ZNF329: variants seen among roughly 807,000 people sequenced by gnomAD.
The protein encoded by ZNF329 is zinc finger protein 329.
A neutral mutation model predicts 26.6 loss-of-function variants in ZNF329; 15 were observed. That is an observed-to-expected ratio of 0.56 (90% CI 0.38 to 0.87). The LOEUF (loss-of-function observed/expected upper bound fraction) is 0.87. ZNF329 is among the 40% of genes least tolerant of loss of function. The pLI is 0.00. For synonymous variants in ZNF329, 239 were observed against 233.5 expected, an observed-to-expected ratio of 1.02 and a Z score of -0.21; for missense variants, 651 against 651.9, an observed-to-expected ratio of 1.00 and a Z score of 0.02.
chr19:58,128,556 T>C lies in ZNF329; in HGVS notation c.948A>G (p.Arg316=). The C allele has an allele frequency of 6.2e-7, 1 of 1,614,082 alleles. No homozygotes were observed. ...TGAAGGGTTTCCCACATTCGTTACATCTATATGGTTTTTCCCCTGTATGAG... is the reference window on the plus strand; with the variant it reads ...TGAAGGGTTTCCCACATTCGTTACACCTATATGGTTTTTCCCCTGTATGAG... ...QRTHTGEKPY[R]CNECGKPFTD... Residue 316 remains arginine (R), a synonymous_variant, in exon 4 of 4, where the codon AGA becomes AGG. Coordinates refer to ENST00000598312, the MANE Select transcript of ZNF329 (RefSeq NM_024620.4).
intron 1 of ZNF329, among the ~76,000 whole-genome samples, chr19:58,145,335 T>C (rs2075285024): frequency 7.8e-6 from 1 of 128,716 alleles, no homozygotes; most frequent in South Asian, 2.6e-4. Context: ...TTTTTTTTTT[T>C]TTTGGAGACA....
intron 3 of ZNF329, among the ~76,000 whole-genome samples, chr19:58,141,436 T>G (rs892804496): frequency 1.3e-5 from 2 of 152,098 alleles, no homozygotes; most frequent in African/African-American, 4.8e-5. Context: ...GTACCTGGGA[T>G]TACAGGCATG....
At chr19:58,137,985 T>C (rs1024128877) in intron 3 of ZNF329, among the ~76,000 whole-genome samples, 1 of 151,910 alleles carries the variant, frequency 6.6e-6, no homozygotes, top group Non-Finnish European at 1.5e-5. Flanking sequence ...TCTCAATAAA[T>C]AAATAAAATT....
upstream of ZNF329, among the ~76,000 whole-genome samples, chr19:58,154,006 A>ATTT (rs11351022): frequency 1.4e-4 from 20 of 145,048 alleles, no homozygotes; most frequent in Middle Eastern, 3.6e-3. Context: ...AACATATGTG[A>ATTT]TTTTTTTTTT....
At chr19:58,145,314 C>CTTTTTTTTTTTTT (rs71188087) in intron 1 of ZNF329, among the ~76,000 whole-genome samples, 1 of 106,172 alleles carries the variant, frequency 9.4e-6, no homozygotes, top group African/African-American at 4.2e-5. Flanking sequence ...TTTTTTCTTC[C>CTTTTTTTTTTTTT]TTTTTTTTTT....
At chr19:58,140,748 T>C (rs2075167251) in intron 3 of ZNF329, among the ~76,000 whole-genome samples, 1 of 151,918 alleles carries the variant, frequency 6.6e-6, no homozygotes, top group Non-Finnish European at 1.5e-5. Flanking sequence ...GGTCTCACTC[T>C]CTTGTCCAGC....
At chr19:58,143,853 A>G (rs920700119) in intron 1 of ZNF329, among the ~76,000 whole-genome samples, 4 of 152,052 alleles carry the variant, frequency 2.6e-5, no homozygotes, top group African/African-American at 9.7e-5. Flanking sequence ...GGCCGAGGCA[A>G]GTGGATCACC....
At position 58,128,997 on chromosome 19, in the gene ZNF329, T is replaced by C; in HGVS notation, c.507A>G (p.Lys169=). ...FTSLGHQKIM[K]RGKKSYEGKN... is the part of the protein sequence containing the mutation. ...TACCTTCATACGATTTCTTGCCTCT[T>C]TTCATTATTTTCTGATGACCAAGAG... is the stretch of plus-strand genomic sequence containing the variant. The change falls in exon 4 of 4, where the codon AAA becomes AAG. Residue 169 remains lysine (K), a synonymous_variant. Transcript: ENST00000598312. 2.5e-6 allele frequency: 4 copies of C among 1,612,778 alleles called. No individual in the cohort carries two copies. Among genetic ancestry groups the C allele is most frequent in the Non-Finnish European group, 3.4e-6 (4 of 1,179,184 alleles).
At chr19:58,132,970 G>A (rs986723797) in intron 3 of ZNF329, among the ~76,000 whole-genome samples, 24 of 151,924 alleles carry the variant, frequency 1.6e-4, no homozygotes, top group African/African-American at 5.1e-4. Flanking sequence ...CTGCCACCAC[G>A]CCCAGCTAAT....
chr19:58,139,929 G>A (rs34503352), intron 3 of ZNF329, among the ~76,000 whole-genome samples: 18,133 of 152,166 alleles, frequency 0.12, 1,364 homozygotes, highest in Middle Eastern at 0.23. Flanking sequence ...TTTCACTGCC[G>A]GTGCAAATAT....
intron 3 of ZNF329, among the ~76,000 whole-genome samples, chr19:58,131,221 G>A (rs1397399000): frequency 6.6e-6 from 1 of 151,952 alleles, no homozygotes; most frequent in Admixed American, 6.6e-5. Context: ...CTTCATAAGT[G>A]TGGCAGACTT....
Position 58,128,645 on chromosome 19 carries a change from A to G in ZNF329, c.859T>C (p.Tyr287His). The G allele has an allele frequency of 6.2e-7, 1 of 1,604,784 alleles. No individual in the cohort carries two copies. Among genetic ancestry groups the G allele is most frequent in the Non-Finnish European group, 8.5e-7 (1 of 1,175,386 alleles). Residue 287 changes from tyrosine to histidine, a missense_variant, in exon 4 of 4, where the codon TAT becomes CAT. Transcript: ENST00000598312. Reference protein sequence around the residue: ...HQRIHTGEKPYECLECGKTFN... With the variant: ...HQRIHTGEKPHECLECGKTFN... ...GTTTTTCCACACTCTAGGCATTCATAAGGTTTCTCGCCTGTGTGAATTCTC... is the reference window on the plus strand; with the variant it reads ...GTTTTTCCACACTCTAGGCATTCATGAGGTTTCTCGCCTGTGTGAATTCTC...
upstream of ZNF329, among the ~76,000 whole-genome samples, chr19:58,153,612 T>C (rs980581823): frequency 2.1e-4 from 32 of 152,186 alleles, no homozygotes; most frequent in African/African-American, 7.7e-4. Flanking sequence ...ACTGAGGCCA[T>C]TGTTTGCCAA....
Position 58,129,092 on chromosome 19 carries a change from C to T in ZNF329, c.412G>A (p.Gly138Arg), listed in dbSNP as rs2074874682. The change falls in exon 4 of 4, where the codon GGA becomes AGA. Residue 138 changes from glycine to arginine, a missense_variant. Gly to Arg is a moderately radical substitution (Grantham distance 125). Coordinates refer to ENST00000598312, the MANE Select transcript of ZNF329 (RefSeq NM_024620.4). ...GFNHSMEVIH[G>R]RNPVREKPYK... The stretch of plus-strand genomic sequence containing the variant: ...GGCTTCTCTCTCACTGGATTTCTTC[C>T]ATGAATAACTTCCATGGAATGGTTG... 1 of 1,613,984 alleles carries T rather than the reference C, an allele frequency of 6.2e-7. No homozygotes were observed. The highest frequency in any genetic ancestry group is 1.3e-5 in the African/African-American group (1 of 75,026).
chr19:58,127,864 G>A lies in ZNF329; in HGVS notation c.*14C>T, dbSNP rs1403782327. The A allele has an allele frequency of 3.2e-6, 5 of 1,562,424 alleles. No individual in the cohort carries two copies. The highest frequency in any genetic ancestry group is 2.2e-5 in the East Asian group (1 of 44,510). ...AGTGAGAGTGAACTGGAAGACTCAT[G>A]TGGCCCCCAACCATTATGTTTCCAT... On this transcript the variant is annotated 3_prime_UTR_variant, in exon 4 of 4. Transcript: ENST00000598312.
intron 1 of ZNF329, among the ~76,000 whole-genome samples, chr19:58,145,656 TAAAGAA>T (rs1368411852): frequency 1.3e-5 from 2 of 151,754 alleles, no homozygotes; most frequent in African/African-American, 2.4e-5. Flanking sequence ...GCACAAAACA[TAAAGAA>T]AAAGATTTGA....
chr19:58,130,761 G>A (rs2074922319), intron 3 of ZNF329, among the ~76,000 whole-genome samples: 1 of 151,446 alleles, frequency 6.6e-6, no homozygotes, highest in African/African-American at 2.4e-5. Context: ...GGTTGCATGT[G>A]TCTTCATGCA....
At chr19:58,152,789 G>A (rs772320586), upstream of ZNF329, among the ~76,000 whole-genome samples, 23 of 152,014 alleles carry the variant, frequency 1.5e-4, no homozygotes, top group Non-Finnish European at 2.9e-5. Flanking sequence ...TCCTGGAGGC[G>A]GAGGTTGCAG....
chr19:58,142,938 C>T (rs2075219466), intron 2 of ZNF329, among the ~76,000 whole-genome samples, 167 bp downstream of exon 2: 1 of 152,206 alleles, frequency 6.6e-6, no homozygotes, highest in Non-Finnish European at 1.5e-5. Context: ...ACCCCAACCC[C>T]ATTACCTAAT....
Sources: allele counts gnomAD v4.1 joint callset (sites outside exome capture counted in the v4.1 genomes callset), GRCh38; gene constraint gnomAD v4.1.1; transcripts MANE v1.5; gene names NCBI Gene and HGNC (gene_info 2026-07-23, HGNC 2026-07-21).